The following NPLOC4 variants were observed in gnomAD, a reference collection of about 807,000 sequenced individuals.
The protein encoded by NPLOC4 is nuclear protein localization protein 4 homolog.
In NPLOC4, 18 loss-of-function variants were observed where a neutral mutation model predicts 80.6. The observed-to-expected ratio is 0.22, with a 90% confidence interval of 0.15 to 0.33. The LOEUF (loss-of-function observed/expected upper bound fraction) is 0.33, where lower values mean the gene tolerates loss of function less well. Among genes scored for constraint, NPLOC4 ranks in the 10% least tolerant of loss-of-function variants. The pLI is 1.00. For missense variants in NPLOC4, 540 were observed against 786.1 expected, an observed-to-expected ratio of 0.69 and a Z score of 3.74; for synonymous variants, 313 against 301.5, an observed-to-expected ratio of 1.04 and a Z score of -0.39.
chr17:81,603,608 A>C (rs542100555), intron 8 of NPLOC4, among the ~76,000 whole-genome samples: 2 of 152,254 alleles, frequency 1.3e-5, no homozygotes, highest in East Asian at 3.9e-4. Context: ...AAAATAAATA[A>C]ATAAAAATTA....
intron 14 of NPLOC4, among the ~76,000 whole-genome samples, chr17:81,568,265 G>A (rs1055848102): frequency 2.0e-5 from 3 of 152,160 alleles, no homozygotes; most frequent in African/African-American, 7.2e-5. Flanking sequence ...AGGGAGGAAT[G>A]TGCAGGGCAG....
intron 9 of NPLOC4, among the ~76,000 whole-genome samples, chr17:81,598,276 T>C (rs1001688528): frequency 6.6e-6 from 1 of 152,070 alleles, no homozygotes; most frequent in Non-Finnish European, 1.5e-5. Context: ...CAGTAGAAAC[T>C]GGCCACCCTC....
At chr17:81,602,081 CGTGT>C (rs1281867298) in intron 8 of NPLOC4, among the ~76,000 whole-genome samples, 2 of 151,936 alleles carry the variant, frequency 1.3e-5, no homozygotes, top group Non-Finnish European at 2.9e-5. Context: ...TGCATGCATG[CGTGT>C]GTGTATGTGC....
intron 16 of NPLOC4, chr17:81,564,867 A>G (rs1470096392): frequency 6.0e-6 from 1 of 167,726 alleles, no homozygotes. Flanking sequence ...GAAGGATTCT[A>G]GCATTTGTCC....
In NPLOC4 at chr17:81,588,950, A is replaced by G. The variant is rs2034661500; in HGVS notation, c.1275T>C (p.Phe425=). 1 of 1,611,876 alleles carries G rather than the reference A, an allele frequency of 6.2e-7. No individual in the cohort carries two copies. Among genetic ancestry groups the G allele is most frequent in the Non-Finnish European group, 8.5e-7 (1 of 1,179,078 alleles). ...SSSEQYVPDV[F]YKDVDKFGNE... ...TTTCTTACCATACTTTTACCTTATA[A>G]AACACATCAGGCACGTACTGCTCAC... Residue 425 remains phenylalanine (F), a synonymous_variant, in exon 12 of 17, where the codon TTT becomes TTC. Coordinates refer to ENST00000331134, the MANE Select transcript of NPLOC4 (RefSeq NM_017921.4).
intron 1 of NPLOC4, among the ~76,000 whole-genome samples, chr17:81,630,944 G>A (rs1328788490): frequency 2.6e-5 from 4 of 151,234 alleles, no homozygotes; most frequent in Admixed American, 6.6e-5. Flanking sequence ...AGGCCAATGC[G>A]GGCAGATCAC....
intron 1 of NPLOC4, among the ~76,000 whole-genome samples, chr17:81,630,732 C>T (rs2035906564): frequency 6.6e-6 from 1 of 151,918 alleles, no homozygotes; most frequent in Non-Finnish European, 1.5e-5. Flanking sequence ...TACAAGTTAG[C>T]CAGGCATGGT....
At chr17:81,578,106 CA>C (rs1207701441) in intron 12 of NPLOC4, among the ~76,000 whole-genome samples, 1 of 152,180 alleles carries the variant, frequency 6.6e-6, no homozygotes, top group African/African-American at 2.4e-5. Context: ...TGGATTGTTG[CA>C]AAAGCTTCCC....
intron 9 of NPLOC4, among the ~76,000 whole-genome samples, chr17:81,598,078 G>A (rs1195583944): frequency 1.5e-5 from 2 of 133,136 alleles, no homozygotes; most frequent in Non-Finnish European, 1.6e-5. Context: ...CTGGCCCACA[G>A]AGCAAGACTC....
chr17:81,632,510 C>T (rs2035959433), intron 1 of NPLOC4, among the ~76,000 whole-genome samples: 1 of 151,902 alleles, frequency 6.6e-6, no homozygotes, highest in African/African-American at 2.4e-5. Flanking sequence ...GATGGGATTT[C>T]ACCACGTTGG....
At chr17:81,627,813 G>A (rs575476407) in intron 2 of NPLOC4, among the ~76,000 whole-genome samples, 3 of 152,050 alleles carry the variant, frequency 2.0e-5, no homozygotes, top group African/African-American at 4.8e-5. Flanking sequence ...GTGCACACCT[G>A]TAATCCCAGC....
chr17:81,559,114 TG>T lies in NPLOC4; in HGVS notation c.*144del. ...GGAGGAACGTGCTGAGAAGCTTCAG[TG>T]GGTCAGGGAGCCCAGGACAGCCAGC... On this transcript the variant is annotated 3_prime_UTR_variant, in exon 17 of 17. Transcript: ENST00000331134. The T allele has an allele frequency of 1.1e-6, 1 of 889,328 alleles. No individual in the cohort carries two copies. The highest frequency in any genetic ancestry group is 1.7e-6 in the Non-Finnish European group (1 of 604,528). The allele number at this position is 889,328 out of a possible 1,614,324, so 55.1% of individuals were successfully genotyped here.
At chr17:81,631,462 T>TACCC (rs112160687) in intron 1 of NPLOC4, among the ~76,000 whole-genome samples, 1 of 123,840 alleles carries the variant, frequency 8.1e-6, no homozygotes, top group Admixed American at 8.3e-5. Flanking sequence ...TTTTTTTTTT[T>TACCC]CCCCCACGGC....
intron 3 of NPLOC4, among the ~76,000 whole-genome samples, chr17:81,618,302 C>T (rs1269160570): frequency 6.8e-6 from 1 of 147,994 alleles, no homozygotes; most frequent in African/African-American, 2.5e-5. Context: ...AGCGCCTCTG[C>T]CCCGCCGCCC....
chr17:81,569,173 G>A (rs893660154), intron 13 of NPLOC4, 62 bp from the exon 14 acceptor site: 3 of 1,115,436 alleles, frequency 2.7e-6, no homozygotes, highest in Non-Finnish European at 4.1e-6. Flanking sequence ...CCGACTCCCA[G>A]CCAGCCCAGA....
intron 12 of NPLOC4, among the ~76,000 whole-genome samples, chr17:81,578,972 G>C (rs942961211): frequency 6.6e-6 from 1 of 152,216 alleles, no homozygotes; most frequent in Non-Finnish European, 1.5e-5. Flanking sequence ...CCAGGCAGGA[G>C]TGTAGTGGTG....
intron 3 of NPLOC4, 84 bp downstream of exon 3, chr17:81,622,082 A>T: frequency 5.6e-6 from 5 of 897,780 alleles, no homozygotes; most frequent in Non-Finnish European, 9.4e-6. Context: ...TGATGAGGAA[A>T]GAGGATAAAA....
At chr17:81,607,901 T>C (rs2035247459) in intron 6 of NPLOC4, among the ~76,000 whole-genome samples, 1 of 152,250 alleles carries the variant, frequency 6.6e-6, no homozygotes, top group Non-Finnish European at 1.5e-5. Flanking sequence ...AAAATGTTGC[T>C]GACTTCAGTT....
intron 16 of NPLOC4, chr17:81,563,989 G>A (rs1329348044): frequency 2.2e-6 from 1 of 450,568 alleles, no homozygotes. Context: ...GCTGAGGGAG[G>A]GGAATTGCTT....
Sources: gnomAD v4.1 joint callset for allele counts (sites outside exome capture counted in the v4.1 genomes callset) on GRCh38, gnomAD v4.1.1 for gene constraint, MANE v1.5 for transcripts, NCBI Gene and HGNC (gene_info 2026-07-23, HGNC 2026-07-21) for gene names.